The following EXOC4 variants were observed in gnomAD, a reference collection of about 807,000 sequenced individuals.
The protein encoded by EXOC4 is SEC8-like 1.
A neutral mutation model predicts 107.2 loss-of-function variants in EXOC4; 71 were observed. That is an observed-to-expected ratio of 0.66 (90% CI 0.55 to 0.81). EXOC4 has a LOEUF of 0.81. EXOC4 is among the 30% of genes least tolerant of loss of function. The pLI is 0.00. For synonymous variants in EXOC4, 456 were observed against 441.2 expected (o/e 1.03, Z -0.42); for missense variants, 1,108 against 1,189.6 (o/e 0.93, Z 1.01).
At chr7:133,757,137 G>A (rs1292856584) in intron 10 of EXOC4, among the ~76,000 whole-genome samples, 4 of 152,128 alleles carry the variant, frequency 2.6e-5, no homozygotes, top group Non-Finnish European at 5.9e-5. Flanking sequence ...TCTTAATACC[G>A]AAGATGCCAT....
At chr7:133,292,307 G>A (rs1794425455) in intron 3 of EXOC4, among the ~76,000 whole-genome samples, 2 of 152,312 alleles carry the variant, frequency 1.3e-5, no homozygotes, top group South Asian at 4.1e-4. Flanking sequence ...AATTATCTTT[G>A]CAATGTTGTG....
intron 5 of EXOC4, among the ~76,000 whole-genome samples, chr7:133,338,295 T>A (rs73148933): frequency 0.3 from 45,924 of 151,702 alleles, 7,967 homozygotes; most frequent in African/African-American, 0.48. Flanking sequence ...ATTTTATTTT[T>A]AAAAATTTTT....
Position 133,978,220 on chromosome 7 carries a change from A to G in EXOC4, c.2207-19272A>G, listed in dbSNP as rs1188504361. Among the ~76,000 whole-genome samples the G allele has an allele frequency of 2.0e-5, 3 of 152,368 alleles. No homozygotes were observed. In the East Asian group the frequency reaches 5.8e-4, roughly 29 times the overall value. On this transcript the variant is annotated intron_variant, in intron 14 of 17. Coordinates refer to ENST00000253861, the MANE Select transcript of EXOC4 (RefSeq NM_021807.4). The stretch of plus-strand genomic sequence containing the variant: ...TAAATATAATCTACACATGTGGTAG[A>G]GCAGAGCATTCTGAACCATTTTTGG...
intron 7 of EXOC4, among the ~76,000 whole-genome samples, chr7:133,455,090 A>AAT (rs1364340381): frequency 6.6e-6 from 1 of 152,126 alleles, no homozygotes; most frequent in Non-Finnish European, 1.5e-5. Flanking sequence ...GTCTCCAAAA[A>AAT]ATATATATAA....
chr7:133,634,160 A>G (rs1802653612), intron 10 of EXOC4, among the ~76,000 whole-genome samples: 1 of 152,114 alleles, frequency 6.6e-6, no homozygotes, highest in Admixed American at 6.5e-5. Flanking sequence ...CGGGTCCTCA[A>G]TTCTGGTAAT....
intron 1 of EXOC4, among the ~76,000 whole-genome samples, chr7:133,262,992 G>A (rs1795187781): frequency 6.6e-6 from 1 of 152,166 alleles, no homozygotes; most frequent in South Asian, 2.1e-4. Context: ...TAAGTCTCAT[G>A]AGATCTGATG....
intron 10 of EXOC4, among the ~76,000 whole-genome samples, chr7:133,732,199 C>T (rs1446571076): frequency 6.6e-6 from 1 of 152,118 alleles, no homozygotes; most frequent in Non-Finnish European, 1.5e-5. Context: ...GAACAGAAAA[C>T]CAAACACCAC....
At chr7:133,393,479 A>T (rs1796899032) in intron 7 of EXOC4, among the ~76,000 whole-genome samples, 1 of 152,134 alleles carries the variant, frequency 6.6e-6, no homozygotes, top group African/African-American at 2.4e-5. Flanking sequence ...TTGATTTAAG[A>T]TTTGCTATAG....
intron 17 of EXOC4, among the ~76,000 whole-genome samples, chr7:134,062,759 A>T (rs865820088): frequency 1.1e-4 from 16 of 152,338 alleles, no homozygotes; most frequent in East Asian, 9.6e-4. Flanking sequence ...AGTCCAGTAG[A>T]CTGAGAGATA....
intron 7 of EXOC4, among the ~76,000 whole-genome samples, chr7:133,439,182 CTTTTT>C: frequency 1.1e-5 from 1 of 94,084 alleles, no homozygotes; most frequent in Non-Finnish European, 1.9e-5. Flanking sequence ...TTCATCAGTT[CTTTTT>C]TTTTTTTTTT....
intron 9 of EXOC4, among the ~76,000 whole-genome samples, chr7:133,606,929 C>T (rs146469354): frequency 1.3e-5 from 2 of 152,264 alleles, no homozygotes; most frequent in African/African-American, 2.4e-5. Flanking sequence ...CCCATACTTT[C>T]GGATTATTCC....
intron 14 of EXOC4, among the ~76,000 whole-genome samples, chr7:133,992,829 C>T (rs1179458589): frequency 6.6e-6 from 1 of 150,844 alleles, no homozygotes; most frequent in Non-Finnish European, 1.5e-5. Flanking sequence ...TTATCTTATT[C>T]CAGAACTTAG....
intron 10 of EXOC4, among the ~76,000 whole-genome samples, chr7:133,796,487 T>C (rs1490792799): frequency 6.6e-6 from 1 of 152,152 alleles, no homozygotes; most frequent in African/African-American, 2.4e-5. Flanking sequence ...CCGGGCGCGG[T>C]GGTGGCTCAC....
At chr7:134,083,790 C>T in the EXOC4 span, among the ~76,000 whole-genome samples, 1 of 152,148 alleles carries the variant, frequency 6.6e-6, no homozygotes, top group Admixed American at 6.5e-5. Context: ...TGTAATAGGC[C>T]AGTCATAGAT....
intron 17 of EXOC4, among the ~76,000 whole-genome samples, chr7:134,030,539 C>T (rs1795245016): frequency 6.6e-6 from 1 of 152,188 alleles, no homozygotes; most frequent in Non-Finnish European, 1.5e-5. Flanking sequence ...CTTAGCACCG[C>T]TGATGAGAGT....
chr7:133,336,171 G>C (rs1795507070), intron 5 of EXOC4, among the ~76,000 whole-genome samples: 1 of 152,090 alleles, frequency 6.6e-6, no homozygotes, highest in Admixed American at 6.6e-5. Context: ...TATGTCCATT[G>C]ATGCACAGAA....
intron 11 of EXOC4, among the ~76,000 whole-genome samples, chr7:133,817,961 C>A (rs1797415055): frequency 6.6e-6 from 1 of 152,184 alleles, no homozygotes. Flanking sequence ...GCAGACTTAC[C>A]TTTCAATGAC....
intron 10 of EXOC4, among the ~76,000 whole-genome samples, chr7:133,817,086 T>C (rs764093234): frequency 2.0e-5 from 3 of 152,224 alleles, no homozygotes; most frequent in Non-Finnish European, 4.4e-5. Context: ...AAAATAATTT[T>C]TGTCTTCTCC....
intron 9 of EXOC4, among the ~76,000 whole-genome samples, chr7:133,509,571 C>T (rs1233749675): frequency 5.3e-5 from 8 of 151,990 alleles, no homozygotes; most frequent in Non-Finnish European, 1.0e-4. Context: ...TGGGCCATCC[C>T]GGACTCTAAG....
Sources: gnomAD v4.1 joint callset for allele counts (sites outside exome capture counted in the v4.1 genomes callset) on GRCh38, gnomAD v4.1.1 for gene constraint, MANE v1.5 for transcripts, NCBI Gene and HGNC (gene_info 2026-07-23, HGNC 2026-07-21) for gene names.